CDK19: variants seen among roughly 807,000 people sequenced by gnomAD.
CDK19 encodes cyclin dependent kinase 19, also known as cyclin-dependent kinase 19.
Under a neutral mutation model 68.3 loss-of-function variants are expected in CDK19, and 20 were observed. That is an observed-to-expected ratio of 0.29 (90% CI 0.21 to 0.43). The LOEUF is 0.43. Ranked by LOEUF, CDK19 falls within the 20% of genes least tolerant of loss-of-function variation. The pLI, the probability that CDK19 is intolerant of heterozygous loss-of-function variation, is 1.00. For missense variants in CDK19, 339 were observed against 623.5 expected (o/e 0.54, Z 4.86); for synonymous variants, 221 against 222.8 (o/e 0.99, Z 0.07).
intron 1 of CDK19, among the ~76,000 whole-genome samples, chr6:110,759,195 T>C (rs551428158): frequency 2.6e-4 from 39 of 150,080 alleles, no homozygotes; most frequent in Middle Eastern, 3.4e-3. Flanking sequence ...GGTCAGGAGA[T>C]CGAGACCATT....
intron 1 of CDK19, among the ~76,000 whole-genome samples, chr6:110,799,255 C>A (rs1229213063): frequency 6.7e-6 from 1 of 149,214 alleles, no homozygotes; most frequent in Non-Finnish European, 1.5e-5. Flanking sequence ...CTGAATATGA[C>A]CCAGAAGACT....
intron 3 of CDK19, among the ~76,000 whole-genome samples, chr6:110,668,849 A>ATT (rs1770751496): frequency 6.6e-6 from 1 of 151,812 alleles, no homozygotes; most frequent in African/African-American, 2.4e-5. Context: ...AAAAAAAAAG[A>ATT]AACAGGTAAA....
At chr6:110,697,218 G>C (rs184771952) in intron 2 of CDK19, among the ~76,000 whole-genome samples, 1 of 151,588 alleles carries the variant, frequency 6.6e-6, no homozygotes, top group African/African-American at 2.4e-5. Context: ...CAACAAGAGC[G>C]AAACTCTGTC....
intron 2 of CDK19, among the ~76,000 whole-genome samples, chr6:110,714,877 G>C (rs1456403962): frequency 2.0e-5 from 3 of 151,900 alleles, no homozygotes; most frequent in African/African-American, 7.2e-5. Context: ...GGAATTACAG[G>C]CATGCGCCAC....
intron 4 of CDK19, among the ~76,000 whole-genome samples, chr6:110,651,819 T>G (rs1334351415): frequency 2.0e-5 from 3 of 152,210 alleles, no homozygotes. Context: ...CATCTGGGGT[T>G]GATGTTTTCT....
intron 2 of CDK19, among the ~76,000 whole-genome samples, chr6:110,694,783 C>A (rs1051936879): frequency 1.3e-5 from 2 of 152,080 alleles, no homozygotes; most frequent in African/African-American, 4.8e-5. Flanking sequence ...TTAAGGAAAT[C>A]GAAATTATAT....
At chr6:110,678,669 CAA>C (rs2114499967) in intron 2 of CDK19, among the ~76,000 whole-genome samples, 1 of 152,272 alleles carries the variant, frequency 6.6e-6, no homozygotes, top group East Asian at 1.9e-4. Context: ...TGTAGAAAAT[CAA>C]AAGCTTTCTA....
chr6:110,649,975 A>G (rs886375638), intron 4 of CDK19, among the ~76,000 whole-genome samples: 1 of 152,256 alleles, frequency 6.6e-6, no homozygotes, highest in African/African-American at 2.4e-5. Flanking sequence ...CAGTAATTCC[A>G]TTTTTAAAAA....
chr6:110,778,670 C>A (rs555446528), intron 1 of CDK19, among the ~76,000 whole-genome samples: 1 of 152,218 alleles, frequency 6.6e-6, no homozygotes, highest in South Asian at 2.1e-4. Context: ...TAGCATACAC[C>A]CATTCTCCCT....
intron 1 of CDK19, among the ~76,000 whole-genome samples, chr6:110,778,586 C>G (rs1340735036): frequency 6.6e-6 from 1 of 152,166 alleles, no homozygotes; most frequent in Non-Finnish European, 1.5e-5. Flanking sequence ...CGTATTACTA[C>G]TTGGGTAAAT....
At chr6:110,809,125 G>T (rs995971563) in intron 1 of CDK19, among the ~76,000 whole-genome samples, 2 of 151,584 alleles carry the variant, frequency 1.3e-5, no homozygotes, top group Non-Finnish European at 2.9e-5. Context: ...TGAGGCAGGA[G>T]AATGGCATGA....
chr6:110,622,003 T>G, intron 11 of CDK19, 85 bp downstream of exon 11: 2 of 679,876 alleles, frequency 2.9e-6, no homozygotes, highest in South Asian at 5.1e-5. Flanking sequence ...GGTGGTTAAA[T>G]GTATAGGAAT....
At chr6:110,741,186 C>T (rs1052811057) in intron 2 of CDK19, among the ~76,000 whole-genome samples, 4 of 151,830 alleles carry the variant, frequency 2.6e-5, no homozygotes, top group East Asian at 3.9e-4. Context: ...TGGGGTGCAG[C>T]GGTTCATACA....
chr6:110,713,431 CAA>C (rs34863234), intron 2 of CDK19, among the ~76,000 whole-genome samples: 11 of 47,856 alleles, frequency 2.3e-4, no homozygotes, highest in Admixed American at 2.9e-4. Context: ...GACTCTGTCT[CAA>C]AAAAAAAAAA....
intron 2 of CDK19, chr6:110,700,732 A>C (rs1394362122): frequency 5.3e-6 from 1 of 188,956 alleles, no homozygotes; most frequent in Admixed American, 5.1e-5. Flanking sequence ...GAAAATCACT[A>C]CAAGAAAAAC....
At chr6:110,798,628 G>GGAAA (rs1782117906) in intron 1 of CDK19, among the ~76,000 whole-genome samples, 11 of 56,628 alleles carry the variant, frequency 1.9e-4, no homozygotes, top group South Asian at 1.3e-3. Context: ...TCTGTCTCCA[G>GGAAA]AAAAAAAAAA....
Position 110,620,235 on chromosome 6 carries a change from T to C in CDK19, c.1377+869A>G, listed in dbSNP as rs75579992. 4.6e-5 allele frequency among the ~76,000 whole-genome samples: 7 copies of C among 152,266 alleles called. 1 individual carries two copies. In the East Asian group the frequency reaches 1.2e-3, roughly 25 times the overall value. ...AGGCAGTTTATGCAGCTATTTGTTA[T>C]GTCTTTCTTGTTAAAGTTTCTCTTT... On this transcript the variant is annotated intron_variant, in intron 12 of 12. Coordinates refer to ENST00000368911, the MANE Select transcript of CDK19 (RefSeq NM_015076.5).
chr6:110,768,432 C>T (rs969960489), intron 1 of CDK19, among the ~76,000 whole-genome samples: 5 of 152,192 alleles, frequency 3.3e-5, no homozygotes, highest in African/African-American at 4.8e-5. Flanking sequence ...GAAAAACCTG[C>T]ATACAAATGT....
intron 2 of CDK19, among the ~76,000 whole-genome samples, chr6:110,679,907 G>C (rs867896425): frequency 1.3e-5 from 2 of 152,086 alleles, no homozygotes; most frequent in African/African-American, 4.8e-5. Flanking sequence ...GCATAAAATG[G>C]TACCTAGCAC....
Sources: allele counts gnomAD v4.1 joint callset (sites outside exome capture counted in the v4.1 genomes callset), GRCh38; gene constraint gnomAD v4.1.1; transcripts MANE v1.5; gene names NCBI Gene and HGNC (gene_info 2026-07-23, HGNC 2026-07-21).